TADA1: variants seen among roughly 807,000 people sequenced by gnomAD.
TADA1 encodes transcriptional adapter 1.
A neutral mutation model predicts 39.3 loss-of-function variants in TADA1; 23 were observed. That is an observed-to-expected ratio of 0.58 (90% CI 0.42 to 0.83). The LOEUF (loss-of-function observed/expected upper bound fraction) is 0.83, where lower values mean the gene tolerates loss of function less well. TADA1 is among the 40% of genes least tolerant of loss of function. The pLI, the probability that TADA1 is intolerant of heterozygous loss-of-function variation, is 0.00. For synonymous variants in TADA1, 137 were observed against 151.8 expected (o/e 0.90, Z 0.72); for missense variants, 352 against 408.1 (o/e 0.86, Z 1.18).
chr1:166,857,756 T>G (rs1553220562), intron 7 of TADA1, 37 bp from the exon 8 acceptor site: 20 of 1,595,110 alleles, frequency 1.3e-5, no homozygotes, highest in Non-Finnish European at 1.7e-5. Flanking sequence ...CAATTATACT[T>G]GAGTAGACTT....
At chr1:166,870,564 A>T (rs1414833297) in intron 1 of TADA1, among the ~76,000 whole-genome samples, 1 of 152,244 alleles carries the variant, frequency 6.6e-6, no homozygotes, top group Non-Finnish European at 1.5e-5. Flanking sequence ...ACGGTGGCTC[A>T]TGCCTGTAGT....
chr1:166,863,658 C>T (rs1447852464), intron 4 of TADA1, 166 bp downstream of exon 4: 1 of 630,576 alleles, frequency 1.6e-6, no homozygotes, highest in African/African-American at 1.9e-5. Context: ...TATAAAAATT[C>T]AGACACCTAG....
intron 1 of TADA1, among the ~76,000 whole-genome samples, chr1:166,872,521 A>T (rs1385057909): frequency 6.6e-6 from 1 of 152,052 alleles, no homozygotes; most frequent in African/African-American, 2.4e-5. Flanking sequence ...AAAATACAAA[A>T]ATTAGCCAGG....
At chr1:166,869,686 TA>T in intron 2 of TADA1, 76 bp downstream of exon 2, 1 of 1,529,998 alleles carries the variant, frequency 6.5e-7, no homozygotes, top group Non-Finnish European at 9.0e-7. Flanking sequence ...TTTTACTTTT[TA>T]AAAAGGGAAA....
chr1:166,861,031 A>G (rs1211514682), intron 5 of TADA1, among the ~76,000 whole-genome samples: 4 of 152,342 alleles, frequency 2.6e-5, no homozygotes, highest in Non-Finnish European at 4.4e-5. Context: ...AAGATCTGAT[A>G]TTATTGGAAC....
At chr1:166,867,735 G>A (rs771450271) in intron 3 of TADA1, among the ~76,000 whole-genome samples, 6 of 151,436 alleles carry the variant, frequency 4.0e-5, no homozygotes, top group South Asian at 2.1e-4. Flanking sequence ...CACCACGCCC[G>A]GCTAATTTTC....
At position 166,862,305 on chromosome 1, in the gene TADA1, G is replaced by A. The variant is rs1328932583; in HGVS notation, c.438C>T (p.Pro146=). The part of the protein sequence containing the change: ...LKLCSHTMML[P]TRGQLEGRMI... ...TTCTCCCTTCAAGCTGGCCTCGAGTGGGAAGCATCATTGTGTGGGAACAAA... is the reference window on the plus strand; with the variant it reads ...TTCTCCCTTCAAGCTGGCCTCGAGTAGGAAGCATCATTGTGTGGGAACAAA... Residue 146 remains proline, a synonymous_variant, in exon 5 of 8, where the codon CCC becomes CCT. Coordinates refer to ENST00000367874, the MANE Select transcript of TADA1 (RefSeq NM_053053.4). The A allele has an allele frequency of 6.2e-7, 1 of 1,614,140 alleles. No individual in the cohort carries two copies. The highest frequency in any genetic ancestry group is 1.1e-5 in the South Asian group (1 of 91,086).
At chr1:166,867,382 GC>G (rs1658561388) in intron 3 of TADA1, among the ~76,000 whole-genome samples, 1 of 152,132 alleles carries the variant, frequency 6.6e-6, no homozygotes, top group Non-Finnish European at 1.5e-5. Flanking sequence ...AAGAGGAATG[GC>G]TAAAGTCTAC....
intron 3 of TADA1, among the ~76,000 whole-genome samples, chr1:166,864,140 A>G (rs1200834198): frequency 1.3e-5 from 2 of 152,210 alleles, no homozygotes; most frequent in African/African-American, 4.8e-5. Flanking sequence ...TTTTAGGAAG[A>G]CAAATTTTTT....
At chr1:166,865,664 A>C (rs1201306453) in intron 3 of TADA1, among the ~76,000 whole-genome samples, 2 of 151,672 alleles carry the variant, frequency 1.3e-5, no homozygotes, top group Non-Finnish European at 2.9e-5. Context: ...ATACAAAAAA[A>C]AAATATTAGC....
chr1:166,874,208 G>GC (rs1658716849), intron 1 of TADA1, among the ~76,000 whole-genome samples: 1 of 151,942 alleles, frequency 6.6e-6, no homozygotes, highest in South Asian at 2.1e-4. Context: ...GGGCGTGGTG[G>GC]CAGGTGCCTG....
At position 166,859,992 on chromosome 1, in the gene TADA1, C is replaced by T. The variant is rs922177040; in HGVS notation, c.692+194G>A. Among the ~76,000 whole-genome samples, 7 of 152,176 alleles carry T rather than the reference C, an allele frequency of 4.6e-5. No homozygotes were observed. The East Asian group carries it at 9.6e-4, about 21-fold the overall frequency. ...ATGCAGAAGCCAAACTCTGCAACTT[C>T]ACTTCTCATAAAAGGAGTACCAAAA... is the stretch of plus-strand genomic sequence containing the variant. On this transcript the variant is annotated intron_variant, in intron 6 of 7. Coordinates refer to ENST00000367874, the MANE Select transcript of TADA1 (RefSeq NM_053053.4).
At chr1:166,859,601 T>C (rs913364578) in intron 6 of TADA1, among the ~76,000 whole-genome samples, 40 of 151,984 alleles carry the variant, frequency 2.6e-4, no homozygotes, top group African/African-American at 8.9e-4. Context: ...ACTCAGGACA[T>C]AGAGACATCC....
chr1:166,860,261 T>C lies in TADA1; in HGVS notation c.617A>G (p.Tyr206Cys). ...CGGGGTCACGTTACTGCCAAAGGCATATTTAAAATGACCATCTCGTAACCG... is the reference window on the plus strand; with the variant it reads ...CGGGGTCACGTTACTGCCAAAGGCACATTTAAAATGACCATCTCGTAACCG... ...AYRLRDGHFK[Y>C]AFGSNVTPQP... The change falls in exon 6 of 8, where the codon TAT becomes TGT. Residue 206 changes from tyrosine (Y) to cysteine (C), a missense_variant. Physicochemically the swap from Tyr to Cys is radical, Grantham distance 194. Around this residue, in one of 3 missense-constraint regions of TADA1, gnomAD observed 285 missense variants for 310.9 expected, o/e 0.92. Coordinates refer to ENST00000367874, the MANE Select transcript of TADA1 (RefSeq NM_053053.4). 1 of 1,614,156 alleles carries C rather than the reference T, an allele frequency of 6.2e-7. No homozygotes were observed. Among genetic ancestry groups the C allele is most frequent in the Non-Finnish European group, 8.5e-7 (1 of 1,180,016 alleles).
intron 3 of TADA1, among the ~76,000 whole-genome samples, chr1:166,866,987 C>G (rs1658551461): frequency 6.6e-6 from 1 of 152,196 alleles, no homozygotes. Flanking sequence ...TCAGGTGATC[C>G]ACCCACCTTG....
In TADA1 at chr1:166,857,415, C is replaced by G; in HGVS notation, c.*152G>C. ...CCAAAGATTTATATTAATGGCTTCACAACAGCAACACAAAATGTACTCAAT... is the reference window on the plus strand; with the variant it reads ...CCAAAGATTTATATTAATGGCTTCAGAACAGCAACACAAAATGTACTCAAT... On this transcript the variant is annotated 3_prime_UTR_variant, in exon 8 of 8. Transcript: ENST00000367874. The G allele has an allele frequency of 6.9e-6, 6 of 870,832 alleles. No homozygotes were observed. The highest frequency in any genetic ancestry group is 1.0e-5 in the Non-Finnish European group (6 of 574,766). The allele number at this position is 870,832 out of a possible 1,614,324, so 53.9% of individuals were successfully genotyped here.
rs1658309220 is a variant in TADA1 at position 166,857,662 on chromosome 1, T to C, written c.913A>G (p.Ile305Val). ...TGATTTGGATGCCAGAGTTTCGTGA[T>C]GATCCTTTCAATGTTAAGAGCATAG... ...TVYALNIERI[I>V]TKLWHPNHEE... The change falls in exon 8 of 8, where the codon ATC (isoleucine) becomes GTC (valine). Residue 305 changes from isoleucine to valine, a missense_variant. Physicochemically the swap from Ile to Val is conservative, Grantham distance 29 (BLOSUM62 3). Around this residue, in one of 3 missense-constraint regions of TADA1, gnomAD observed 285 missense variants for 310.9 expected, o/e 0.92. Transcript: ENST00000367874. The C allele has an allele frequency of 1.2e-6, 2 of 1,614,220 alleles. No individual in the cohort carries two copies. Among genetic ancestry groups the C allele is most frequent in the Non-Finnish European group, 1.7e-6 (2 of 1,180,036 alleles).
At position 166,859,434 on chromosome 1, in the gene TADA1, C is replaced by A. The variant is rs1489775898; in HGVS notation, c.692+752G>T. 3.3e-5 allele frequency among the ~76,000 whole-genome samples: 5 copies of A among 152,186 alleles called. No homozygotes were observed. In the East Asian group the frequency reaches 9.6e-4, roughly 29 times the overall value. The stretch of plus-strand genomic sequence containing the variant: ...AAGAAATTCAAGTCACTTCAGTAAC[C>A]ATAAAGAAAATTACATTACTACTTT... On this transcript the variant is annotated intron_variant, in intron 6 of 7. Transcript: ENST00000367874.
chr1:166,872,353 TC>T (rs1180961579), intron 1 of TADA1, among the ~76,000 whole-genome samples: 3 of 152,094 alleles, frequency 2.0e-5, no homozygotes, highest in Non-Finnish European at 4.4e-5. Context: ...CCTGGCACCT[TC>T]CCCATTTCTT....
Sources: gnomAD v4.1 joint callset for allele counts (sites outside exome capture counted in the v4.1 genomes callset) on GRCh38, gnomAD v4.1.1 for gene constraint, gnomAD v4.1.1 regional missense constraint, MANE v1.5 for transcripts, NCBI Gene and HGNC (gene_info 2026-07-23, HGNC 2026-07-21) for gene names.